COL1A2: variants seen among roughly 807,000 people sequenced by gnomAD.
COL1A2 encodes collagen type I alpha 2 chain, also known as collagen alpha-2(I) chain.
A neutral mutation model predicts 174.3 loss-of-function variants in COL1A2; 49 were observed. The ratio of observed to expected loss-of-function variants is 0.28; its 90% confidence interval spans 0.22 to 0.36. COL1A2 has a LOEUF of 0.36. Ranked by LOEUF, COL1A2 falls within the 10% of genes least tolerant of loss-of-function variation. COL1A2 has a pLI of 1.00. For synonymous variants in COL1A2, 655 were observed against 606.6 expected (o/e 1.08, Z -1.17); for missense variants, 1,438 against 1,822.7 (o/e 0.79, Z 3.84).
At chr7:94,417,452 C>A in intron 31 of COL1A2, 1 of 469,958 alleles carries the variant, frequency 2.1e-6, no homozygotes, top group Non-Finnish European at 3.9e-6. Flanking sequence ...CTATCCTCTT[C>A]TCCATGCCTG....
chr7:94,395,556 T>C (rs1791566700), intron 1 of COL1A2: 1 of 289,076 alleles, frequency 3.5e-6, no homozygotes, highest in African/African-American at 2.2e-5. Context: ...AGAGCTTTTA[T>C]CTTCTGGGCA....
At chr7:94,411,748 A>G (rs1303582549) in intron 23 of COL1A2, among the ~76,000 whole-genome samples, 2 of 152,246 alleles carry the variant, frequency 1.3e-5, no homozygotes, top group African/African-American at 4.8e-5. Context: ...ATTGTTTACT[A>G]AAAGTATTAG....
intron 38 of COL1A2, chr7:94,421,527 T>C: frequency 2.6e-6 from 1 of 378,554 alleles, no homozygotes; most frequent in Admixed American, 4.0e-5. Context: ...AAGTGTCCAT[T>C]TCCTTACCAC....
At chr7:94,426,553 G>A (rs753243834) in intron 46 of COL1A2, 23 bp downstream of exon 46, 36 of 1,554,554 alleles carry the variant, frequency 2.3e-5, no homozygotes, top group African/African-American at 2.0e-4. Flanking sequence ...TAGCCATCTC[G>A]CACATAAACT....
chr7:94,423,502 C>G (rs1031737027), intron 40 of COL1A2: 1 of 195,458 alleles, frequency 5.1e-6, no homozygotes. Context: ...TGAAAGGTGC[C>G]CCTATTAGAC....
intron 4 of COL1A2, among the ~76,000 whole-genome samples, chr7:94,399,809 A>G (rs548161643): frequency 1.3e-5 from 2 of 152,334 alleles, no homozygotes; most frequent in East Asian, 1.9e-4. Flanking sequence ...CATGTAACAT[A>G]CCAAAACAAT....
Position 94,428,321 on chromosome 7 carries a change from A to T in COL1A2, c.3555A>T (p.Gly1185=). ...ACTACTGGATTGACCCTAACCAAGGATGCACTATGGATGCTATCAAAGTAT... is the reference window on the plus strand; with the variant it reads ...ACTACTGGATTGACCCTAACCAAGGTTGCACTATGGATGCTATCAAAGTAT... ...SGYYWIDPNQ[G]CTMDAIKVYC... Residue 1185 remains glycine, a synonymous_variant, in exon 50 of 52, where the codon GGA becomes GGT. Coordinates refer to ENST00000297268, the MANE Select transcript of COL1A2 (RefSeq NM_000089.4). 5 of 1,614,160 alleles carry T rather than the reference A, an allele frequency of 3.1e-6. No homozygotes were observed. Among genetic ancestry groups the T allele is most frequent in the Non-Finnish European group, 4.2e-6 (5 of 1,179,980 alleles).
At chr7:94,420,316 C>T in intron 35 of COL1A2, 30 bp downstream of exon 35, 1 of 1,614,082 alleles carries the variant, frequency 6.2e-7, no homozygotes, top group East Asian at 2.2e-5. Flanking sequence ...ATTTTGTATA[C>T]TCACACCTCA....
At chr7:94,423,353 C>T (rs1416801932) in intron 40 of COL1A2, 6 of 535,040 alleles carry the variant, frequency 1.1e-5, no homozygotes, top group Non-Finnish European at 6.7e-6. Flanking sequence ...ATCACAAAGC[C>T]CTTAAAGCTA....
chr7:94,428,651 C>T (rs1454224406), intron 50 of COL1A2, among the ~76,000 whole-genome samples, 174 bp downstream of exon 50: 2 of 152,182 alleles, frequency 1.3e-5, no homozygotes, highest in Non-Finnish European at 2.9e-5. Context: ...ATTGATTGGA[C>T]ACATCCATGT....
At chr7:94,426,230 A>G (rs996944185) in intron 45 of COL1A2, among the ~76,000 whole-genome samples, 179 bp downstream of exon 45, 2 of 152,256 alleles carry the variant, frequency 1.3e-5, no homozygotes, top group Admixed American at 1.3e-4. Flanking sequence ...GCTTGTTTGT[A>G]TTAAACAATT....
rs988420198 is a variant in COL1A2, at chr7:94,408,463, G to A, written c.738+83G>A. 1.5e-4 allele frequency: 222 copies of A among 1,466,192 alleles called. 1 individual carries two copies. The highest frequency in any genetic ancestry group is 1.1e-5 in the South Asian group (1 of 87,924). The allele number at this position is 1,466,192 out of a possible 1,614,324, so 90.8% of individuals were successfully genotyped here. ...TTCTTCATTAATCTCTTACGAAATAGCATCATTTCAGACACTTTACCAAAT... is the reference window on the plus strand; with the variant it reads ...TTCTTCATTAATCTCTTACGAAATAACATCATTTCAGACACTTTACCAAAT... On this transcript the variant is annotated intron_variant, in intron 15 of 51. Coordinates refer to ENST00000297268, the MANE Select transcript of COL1A2 (RefSeq NM_000089.4).
rs199580542 is a variant in COL1A2 at position 94,425,654 on chromosome 7, C to T, written c.2826C>T (p.Pro942=). The T allele has an allele frequency of 5.5e-5, 89 of 1,614,082 alleles. No homozygotes were observed. In the East Asian group the frequency reaches 1.2e-3, roughly 21 times the overall value. The change falls in exon 43 of 52, where the codon CCC becomes CCT. Residue 942 remains proline (P), a synonymous_variant. Coordinates refer to ENST00000297268, the MANE Select transcript of COL1A2 (RefSeq NM_000089.4). ...GTCCCCCAGGTCGCGATGGTCAACC[C>T]GGACACAAGGTCAGTACACTTTTCA... The part of the protein sequence containing the change: ...NDGPPGRDGQ[P]GHKGERGYPG...
intron 1 of COL1A2, 168 bp downstream of exon 1, chr7:94,395,269 T>TA: frequency 1.3e-6 from 1 of 757,662 alleles, no homozygotes; most frequent in Non-Finnish European, 2.4e-6. Context: ...GAAATTACTT[T>TA]AAAAAATGAA....
chr7:94,424,766 C>G (rs530411137), intron 41 of COL1A2: 25 of 462,212 alleles, frequency 5.4e-5, no homozygotes, highest in African/African-American at 4.7e-4. Context: ...GAATGAAACT[C>G]TGGAAGTTCT....
intron 4 of COL1A2, among the ~76,000 whole-genome samples, chr7:94,399,904 A>T (rs1245250264): frequency 2.0e-5 from 3 of 152,200 alleles, no homozygotes; most frequent in Admixed American, 6.5e-5. Flanking sequence ...AGCACGTGGA[A>T]CCATACATTT....
chr7:94,427,348 T>C (rs1040697042), intron 48 of COL1A2, 53 bp downstream of exon 48: 17 of 1,487,292 alleles, frequency 1.1e-5, no homozygotes, highest in Non-Finnish European at 1.6e-5. Context: ...AAGGAATGTT[T>C]TCTTCAGACT....
chr7:94,408,813 CT>C lies in COL1A2; in HGVS notation c.783del (p.Gly262AlafsTer137). On this transcript the variant is annotated frameshift_variant, in exon 16 of 52. Coordinates refer to ENST00000297268, the MANE Select transcript of COL1A2 (RefSeq NM_000089.4). LOFTEE classifies it high-confidence loss of function. ...GGCCCTCCAGGCTTCCCAGGTGCCC[CT>C]GGCCCCAAGGTAAAAACACTGGTGA... is the stretch of plus-strand genomic sequence containing the variant. ...SAGPPGFPGA[P>X]GPKGEIGAVG... 1.9e-6 allele frequency: 3 copies of C among 1,614,186 alleles called. No homozygotes were observed. Among genetic ancestry groups the C allele is most frequent in the Non-Finnish European group, 2.5e-6 (3 of 1,180,030 alleles).
chr7:94,422,208 CA>C (rs1792180402), intron 39 of COL1A2, among the ~76,000 whole-genome samples: 1 of 142,704 alleles, frequency 7.0e-6, no homozygotes, highest in East Asian at 2.1e-4. Context: ...AAAAAAAAAA[CA>C]AAAAAACGAA....
Sources: gnomAD v4.1 joint callset for allele counts (sites outside exome capture counted in the v4.1 genomes callset) on GRCh38, gnomAD v4.1.1 for gene constraint, MANE v1.5 for transcripts, NCBI Gene and HGNC (gene_info 2026-07-23, HGNC 2026-07-21) for gene names.